Variants in CHRM3 observed in about 807,000 individuals in gnomAD.
The protein encoded by CHRM3 is cholinergic receptor muscarinic 3.
A neutral mutation model predicts 41.8 loss-of-function variants in CHRM3; 11 were observed. The observed-to-expected ratio is 0.26, with a 90% CI of 0.17 to 0.44. The LOEUF (loss-of-function observed/expected upper bound fraction) is 0.44, where lower values mean the gene tolerates loss of function less well. CHRM3 is among the 20% of genes least tolerant of loss of function. CHRM3 has a pLI of 1.00. For synonymous variants in CHRM3, 297 were observed against 301.4 expected (o/e 0.99, Z 0.15); for missense variants, 571 against 745.4 (o/e 0.77, Z 2.72).
chr1:239,791,133 C>A (rs1243137902), intron 5 of CHRM3, among the ~76,000 whole-genome samples: 2 of 151,786 alleles, frequency 1.3e-5, no homozygotes, highest in Non-Finnish European at 2.9e-5. Context: ...GAGACAGGGT[C>A]TCTCACTGTT....
Position 239,914,208 on chromosome 1 carries a change from C to T in CHRM3, c.*4984C>T, listed in dbSNP as rs929630068. The T allele has an allele frequency of 1.2e-5, 2 of 167,030 alleles. No individual in the cohort carries two copies. The highest frequency in any genetic ancestry group is 1.9e-4 in the East Asian group (1 of 5,206). The allele number at this position is 167,030 out of a possible 1,614,324, so 10.3% of individuals were successfully genotyped here. On this transcript the variant is annotated 3_prime_UTR_variant, in exon 7 of 7. Transcript: ENST00000676153. ...GCAGTTCTGCAGTTCACATACAAAA[C>T]TCAAAACTCTTTTTATCCTGTATTC...
At position 239,911,255 on chromosome 1, in the gene CHRM3, A is replaced by G. The variant is rs1012553801; in HGVS notation, c.*2031A>G. ...GTGTCTGAAATCATTTTACACAGGG[A>G]AAAAAAAAAACAATCAGCATAATTG... On this transcript the variant is annotated 3_prime_UTR_variant, in exon 7 of 7. Coordinates refer to ENST00000676153, the MANE Select transcript of CHRM3 (RefSeq NM_001375978.1). 1.5e-5 allele frequency: 2 copies of G among 135,444 alleles called. No individual in the cohort carries two copies. The highest frequency in any genetic ancestry group is 7.3e-5 in the Admixed American group (1 of 13,630). 8.4% of individuals were successfully genotyped at this position (135,444 alleles called of 1,614,324 possible). A position where few individuals can be genotyped will look rare whatever the true frequency, so the allele number is the denominator to read the frequency against.
chr1:239,670,779 C>CA (rs1674295647), intron 4 of CHRM3, among the ~76,000 whole-genome samples: 2 of 151,904 alleles, frequency 1.3e-5, no homozygotes, highest in African/African-American at 2.4e-5. Flanking sequence ...CTACCCCCCC[C>CA]ACCTCAGTTT....
intron 1 of CHRM3, among the ~76,000 whole-genome samples, chr1:239,389,544 T>C (rs1457333348): frequency 1.3e-5 from 2 of 152,220 alleles, no homozygotes; most frequent in African/African-American, 2.4e-5. Flanking sequence ...GTTCTTTTAA[T>C]GATATTTTAG....
intron 1 of CHRM3, among the ~76,000 whole-genome samples, chr1:239,392,284 T>A (rs765759387): frequency 6.6e-6 from 1 of 152,164 alleles, no homozygotes; most frequent in Admixed American, 6.5e-5. Flanking sequence ...AAATTCTCCT[T>A]GTCTGTCATT....
At chr1:239,847,261 C>G (rs1006223049) in intron 6 of CHRM3, among the ~76,000 whole-genome samples, 3 of 152,174 alleles carry the variant, frequency 2.0e-5, no homozygotes, top group Non-Finnish European at 4.4e-5. Flanking sequence ...GAAATGCTAC[C>G]TTTCCACTAC....
chr1:239,632,452 A>T (rs976624738), intron 4 of CHRM3, among the ~76,000 whole-genome samples, 166 bp downstream of exon 4: 5 of 152,340 alleles, frequency 3.3e-5, no homozygotes, highest in Non-Finnish European at 5.9e-5. Context: ...TAATAAAGCT[A>T]AGTGTGTTCA....
intron 5 of CHRM3, among the ~76,000 whole-genome samples, chr1:239,701,029 A>G (rs1242017846): frequency 1.3e-5 from 2 of 152,196 alleles, no homozygotes; most frequent in East Asian, 3.9e-4. Context: ...CGCTTTTATC[A>G]GCTGTTTCTA....
At chr1:239,507,087 T>C (rs900586113) in intron 2 of CHRM3, among the ~76,000 whole-genome samples, 15 of 152,176 alleles carry the variant, frequency 9.9e-5, no homozygotes, top group Non-Finnish European at 1.6e-4. Flanking sequence ...GCGTTGTTTT[T>C]GATGGGACAT....
rs573091573 is a variant in CHRM3, at chr1:239,413,405, T to C, written c.-521+26178T>C. ...CCCGGATTCATGAGATTCTCCTGCC[T>C]CAGCCTCCCACGTAGCTGGGATTAC... On this transcript the variant is annotated intron_variant, in intron 1 of 6. Transcript: ENST00000676153. 3.2e-4 allele frequency among the ~76,000 whole-genome samples: 48 copies of C among 152,280 alleles called. 1 individual carries two copies. The South Asian group carries it at 1.0e-2, about 32-fold the overall frequency.
At position 239,513,426 on chromosome 1, in the gene CHRM3, C is replaced by T. The variant is rs184574054; in HGVS notation, c.-422+20619C>T. Among the ~76,000 whole-genome samples the T allele has an allele frequency of 2.0e-4, 30 of 152,108 alleles. No individual in the cohort carries two copies. In the East Asian group the frequency reaches 4.6e-3, roughly 24 times the overall value. Reference sequence around the variant, plus strand: ...GGCTTACTTGCCATCTGTGTGTCTTCTTGGTGAGCAATCAGTCAAGGATTT... The same window carrying T: ...GGCTTACTTGCCATCTGTGTGTCTTTTTGGTGAGCAATCAGTCAAGGATTT... On this transcript the variant is annotated intron_variant, in intron 2 of 6. Transcript: ENST00000676153.
At chr1:239,447,406 A>G (rs879769483) in intron 1 of CHRM3, among the ~76,000 whole-genome samples, 9 of 152,084 alleles carry the variant, frequency 5.9e-5, no homozygotes, top group Middle Eastern at 3.4e-3. Context: ...GTGGGGAGAG[A>G]GAGAGAATGG....
intron 5 of CHRM3, among the ~76,000 whole-genome samples, chr1:239,763,856 G>T (rs984475017): frequency 1.3e-5 from 2 of 151,786 alleles, no homozygotes; most frequent in African/African-American, 2.4e-5. Context: ...AGAACTTTGG[G>T]AGGCCTAAGA....
chr1:239,674,563 A>G (rs960266130), intron 4 of CHRM3, among the ~76,000 whole-genome samples: 1 of 152,006 alleles, frequency 6.6e-6, no homozygotes, highest in Non-Finnish European at 1.5e-5. Context: ...CAAAAAAATT[A>G]GCTGGGCTTG....
At chr1:239,413,347 T>G (rs538837068) in intron 1 of CHRM3, among the ~76,000 whole-genome samples, 1 of 152,228 alleles carries the variant, frequency 6.6e-6, no homozygotes, top group African/African-American at 2.4e-5. Flanking sequence ...TGGAGTGCAG[T>G]GGTGGGATCT....
At chr1:239,554,877 G>A (rs570589416) in intron 3 of CHRM3, among the ~76,000 whole-genome samples, 12 of 151,652 alleles carry the variant, frequency 7.9e-5, no homozygotes, top group African/African-American at 2.2e-4. Flanking sequence ...CTACAGGCAC[G>A]TGCCACCATG....
At chr1:239,404,955 T>A (rs1660480205) in intron 1 of CHRM3, among the ~76,000 whole-genome samples, 2 of 151,834 alleles carry the variant, frequency 1.3e-5, no homozygotes, top group Admixed American at 1.3e-4. Flanking sequence ...ATGTATATTA[T>A]TTATATAAAC....
chr1:239,397,097 G>A (rs1352777808), intron 1 of CHRM3, among the ~76,000 whole-genome samples: 1 of 152,162 alleles, frequency 6.6e-6, no homozygotes, highest in Non-Finnish European at 1.5e-5. Context: ...GAAGTTCCAA[G>A]CTATACTTAT....
intron 5 of CHRM3, among the ~76,000 whole-genome samples, chr1:239,755,933 A>G (rs1666204678): frequency 6.6e-6 from 1 of 152,242 alleles, no homozygotes; most frequent in African/African-American, 2.4e-5. Flanking sequence ...AAAGAAAAAA[A>G]TCACTTTTTT....
Sources: allele counts gnomAD v4.1 joint callset (sites outside exome capture counted in the v4.1 genomes callset), GRCh38; gene constraint gnomAD v4.1.1; transcripts MANE v1.5; gene names NCBI Gene and HGNC (gene_info 2026-07-23, HGNC 2026-07-21).